ACSS3: variants seen among roughly 807,000 people sequenced by gnomAD.
The protein encoded by ACSS3 is acyl-CoA synthetase short chain family member 3, also known as acyl-CoA synthetase short-chain family member 3, mitochondrial.
Under a neutral mutation model 84.2 loss-of-function variants are expected in ACSS3, and 64 were observed. That is an observed-to-expected ratio of 0.76 (90% CI 0.62 to 0.94). The LOEUF is 0.94. Ranked by LOEUF, ACSS3 falls within the 40% of genes least tolerant of loss-of-function variation. ACSS3 has a pLI of 0.00. For missense variants in ACSS3, 815 were observed against 867.6 expected (o/e 0.94, Z 0.76); for synonymous variants, 317 against 310.1 (o/e 1.02, Z -0.23).
At chr12:81,138,269 G>A (rs536152679) in intron 3 of ACSS3, among the ~76,000 whole-genome samples, 1 of 152,100 alleles carries the variant, frequency 6.6e-6, no homozygotes, top group African/African-American at 2.4e-5. Flanking sequence ...TTCCGCAAAC[G>A]TTTACTGAAA....
In ACSS3 at chr12:81,256,528, T is replaced by A. The variant is rs1178198338; in HGVS notation, c.*1606T>A. On this transcript the variant is annotated 3_prime_UTR_variant, in exon 16 of 16. Transcript: ENST00000548058. Reference sequence around the variant, plus strand: ...CCAAAAGTATACCATGCTCATTGTATCTTTGATCGTTCTTCAAGTATTTCT... The same window carrying A: ...CCAAAAGTATACCATGCTCATTGTAACTTTGATCGTTCTTCAAGTATTTCT... 6.6e-6 allele frequency: 1 copy of A among 152,166 alleles called. No homozygotes were observed. The highest frequency in any genetic ancestry group is 1.5e-5 in the Non-Finnish European group (1 of 68,024). 9.4% of individuals were successfully genotyped at this position (152,166 alleles called of 1,614,324 possible). A position where few individuals can be genotyped will look rare whatever the true frequency, so the allele number is the denominator to read the frequency against.
chr12:81,252,547 A>C (rs12822830), intron 13 of ACSS3, among the ~76,000 whole-genome samples: 74,255 of 151,754 alleles, frequency 0.49, 18,539 homozygotes, highest in Non-Finnish European at 0.54. Flanking sequence ...ACCAAAATAA[A>C]TGTTAATCTT....
intron 8 of ACSS3, among the ~76,000 whole-genome samples, chr12:81,185,135 A>T (rs2031177723): frequency 6.6e-6 from 1 of 151,782 alleles, no homozygotes; most frequent in African/African-American, 2.4e-5. Context: ...AACATAAAAA[A>T]AGCATTCAAC....
At chr12:81,200,404 G>T (rs2032046066) in intron 9 of ACSS3, among the ~76,000 whole-genome samples, 1 of 152,018 alleles carries the variant, frequency 6.6e-6, no homozygotes, top group Admixed American at 6.6e-5. Flanking sequence ...TGCATCTGGG[G>T]CAGAATATCA....
chr12:81,082,293 CACTTATA>C (rs1439649237), intron 1 of ACSS3, among the ~76,000 whole-genome samples: 1 of 152,136 alleles, frequency 6.6e-6, no homozygotes, highest in Non-Finnish European at 1.5e-5. Context: ...GTTTAGCTCC[CACTTATA>C]AGTGAGAACA....
chr12:81,100,403 A>C (rs545390679), intron 1 of ACSS3, among the ~76,000 whole-genome samples: 1 of 152,222 alleles, frequency 6.6e-6, no homozygotes, highest in East Asian at 1.9e-4. Flanking sequence ...CCTGTCTCTG[A>C]GAGCTTACAT....
chr12:81,087,278 C>T (rs1034991962), intron 1 of ACSS3, among the ~76,000 whole-genome samples: 5 of 152,040 alleles, frequency 3.3e-5, no homozygotes, highest in Non-Finnish European at 4.4e-5. Context: ...AATACCTTCT[C>T]TTAAGGTGTT....
intron 7 of ACSS3, among the ~76,000 whole-genome samples, chr12:81,173,530 T>C (rs961708212): frequency 6.6e-6 from 1 of 152,116 alleles, no homozygotes; most frequent in Admixed American, 6.5e-5. Context: ...AAAAATAGTG[T>C]CCTATCAATG....
At chr12:81,185,338 A>G (rs2031192062) in intron 8 of ACSS3, among the ~76,000 whole-genome samples, 1 of 151,742 alleles carries the variant, frequency 6.6e-6, no homozygotes, top group Admixed American at 6.6e-5. Flanking sequence ...ATACTGGAGT[A>G]CTAGCAAGAA....
At chr12:81,136,436 G>A (rs73359357) in intron 3 of ACSS3, among the ~76,000 whole-genome samples, 7,394 of 152,112 alleles carry the variant, frequency 0.049, 454 homozygotes, top group African/African-American at 0.14. Context: ...CTGTGTGCCG[G>A]GTTTGGCTCA....
At chr12:81,178,328 G>A (rs1162081789) in intron 8 of ACSS3, among the ~76,000 whole-genome samples, 2 of 143,596 alleles carry the variant, frequency 1.4e-5, no homozygotes, top group Admixed American at 7.0e-5. Context: ...ATGGGGGGAG[G>A]GGGCAGGGAT....
chr12:81,173,858 C>A (rs1314544168), intron 7 of ACSS3, among the ~76,000 whole-genome samples: 5 of 152,106 alleles, frequency 3.3e-5, no homozygotes, highest in African/African-American at 1.2e-4. Flanking sequence ...TACATCTTAA[C>A]CCTTTTAAGG....
chr12:81,208,699 G>C (rs948994006), intron 9 of ACSS3, among the ~76,000 whole-genome samples: 1 of 151,956 alleles, frequency 6.6e-6, no homozygotes, highest in Non-Finnish European at 1.5e-5. Context: ...ATTGTTCCTG[G>C]AACAATATTC....
intron 9 of ACSS3, among the ~76,000 whole-genome samples, chr12:81,208,503 T>C (rs968064396): frequency 6.6e-6 from 1 of 152,090 alleles, no homozygotes; most frequent in Non-Finnish European, 1.5e-5. Flanking sequence ...GACCTTTTGA[T>C]CTTGAGTATA....
chr12:81,136,837 G>C (rs1274255934), intron 3 of ACSS3, among the ~76,000 whole-genome samples: 7 of 152,158 alleles, frequency 4.6e-5, no homozygotes, highest in Non-Finnish European at 7.4e-5. Context: ...GCTGGAAGCT[G>C]TAATAAAAAC....
At chr12:81,138,296 G>A (rs1885914918) in intron 3 of ACSS3, among the ~76,000 whole-genome samples, 1 of 152,186 alleles carries the variant, frequency 6.6e-6, no homozygotes, top group South Asian at 2.1e-4. Context: ...GACATGCCAA[G>A]CACTGTGCTA....
At chr12:81,138,982 G>T (rs1468456929) in intron 3 of ACSS3, 149 bp from the exon 4 acceptor site, 3 of 796,886 alleles carry the variant, frequency 3.8e-6, no homozygotes, top group African/African-American at 1.7e-5. Flanking sequence ...ATTACAAAGG[G>T]TTTACTGGTT....
chr12:81,107,507 T>TATAC (rs1163666397), intron 1 of ACSS3, among the ~76,000 whole-genome samples: 2 of 33,578 alleles, frequency 6.0e-5, no homozygotes, highest in Non-Finnish European at 7.2e-5. Flanking sequence ...GGTACAAATA[T>TATAC]ATACATATAT....
intron 9 of ACSS3, among the ~76,000 whole-genome samples, chr12:81,210,231 A>G (rs953734741): frequency 3.9e-5 from 6 of 152,186 alleles, no homozygotes; most frequent in Non-Finnish European, 8.8e-5. Context: ...GGTCGTAGAC[A>G]GATTAAAATC....
Sources: allele counts gnomAD v4.1 joint callset (sites outside exome capture counted in the v4.1 genomes callset), GRCh38; gene constraint gnomAD v4.1.1; transcripts MANE v1.5; gene names NCBI Gene and HGNC (gene_info 2026-07-23, HGNC 2026-07-21).